Variants in VDAC1 observed in about 807,000 individuals in gnomAD.
The protein encoded by VDAC1 is voltage dependent anion channel 1.
VDAC1 carries 10 observed loss-of-function variants against 34.7 expected under a neutral mutation model. The ratio of observed to expected loss-of-function variants is 0.29; its 90% CI spans 0.18 to 0.49. The LOEUF is 0.49. Among genes scored for constraint, VDAC1 ranks in the 20% least tolerant of loss-of-function variants. VDAC1 has a pLI of 0.99. For missense variants in VDAC1, 230 were observed against 347.9 expected (o/e 0.66, Z 2.69); for synonymous variants, 130 against 136.0 (o/e 0.96, Z 0.30).
At chr5:134,089,545 G>A in the VDAC1 span, among the ~76,000 whole-genome samples, 1 of 152,238 alleles carries the variant, frequency 6.6e-6, no homozygotes, top group Non-Finnish European at 1.5e-5. Context: ...CTGATTAAAA[G>A]GTAGAGGCAC....
At chr5:133,992,251 A>T in intron 3 of VDAC1, 55 bp downstream of exon 3, 2 of 1,257,158 alleles carry the variant, frequency 1.6e-6, no homozygotes, top group South Asian at 2.5e-5. Context: ...ATAAATAAAT[A>T]AAATAAAATA....
the VDAC1 span, among the ~76,000 whole-genome samples, chr5:134,064,541 T>C: frequency 2.0e-5 from 3 of 152,080 alleles, no homozygotes; most frequent in Admixed American, 1.3e-4. Flanking sequence ...TGACCTCAGA[T>C]GATCTGCCCA....
chr5:134,092,475 CA>C, the VDAC1 span, among the ~76,000 whole-genome samples: 1 of 152,102 alleles, frequency 6.6e-6, no homozygotes, highest in Admixed American at 6.6e-5. Context: ...CTTTGTCCCT[CA>C]TGTGCCGTTG....
At chr5:134,017,535 T>G in the VDAC1 span, among the ~76,000 whole-genome samples, 4 of 152,182 alleles carry the variant, frequency 2.6e-5, no homozygotes, top group South Asian at 8.3e-4. Context: ...CAGCTCTGCT[T>G]TGTCCATGCT....
the VDAC1 span, among the ~76,000 whole-genome samples, chr5:134,091,262 A>G: frequency 6.6e-6 from 1 of 152,186 alleles, no homozygotes; most frequent in Non-Finnish European, 1.5e-5. Context: ...TGCCCTGGAA[A>G]TGCTCCCTGT....
intron 5 of VDAC1, among the ~76,000 whole-genome samples, chr5:133,988,240 TTTGCCACA>T (rs1332674028): frequency 6.6e-6 from 1 of 152,144 alleles, no homozygotes; most frequent in African/African-American, 2.4e-5. Flanking sequence ...GCATACTATT[TTTGCCACA>T]TTTTTTTCTA....
chr5:134,033,947 G>T, the VDAC1 span, among the ~76,000 whole-genome samples: 2 of 151,650 alleles, frequency 1.3e-5, no homozygotes, highest in African/African-American at 4.8e-5. Context: ...AGCCGAGATC[G>T]CACCACCGCA....
chr5:134,059,715 C>T, the VDAC1 span, among the ~76,000 whole-genome samples: 1 of 152,164 alleles, frequency 6.6e-6, no homozygotes, highest in Non-Finnish European at 1.5e-5. Context: ...AAGCCAACCA[C>T]ACCCTATACC....
the VDAC1 span, among the ~76,000 whole-genome samples, chr5:134,016,263 C>T: frequency 0.017 from 2,615 of 152,252 alleles, 71 homozygotes; most frequent in African/African-American, 0.06. Flanking sequence ...GTACCTGTGA[C>T]GTTCTCTGAG....
the VDAC1 span, among the ~76,000 whole-genome samples, chr5:134,071,927 G>A: frequency 1.3e-5 from 2 of 152,134 alleles, no homozygotes; most frequent in Non-Finnish European, 2.9e-5. This position sits in a 1 kb window ranked among gnomAD's most constrained non-coding sequence, Gnocchi z 4.1. Flanking sequence ...CTCTGTGGTG[G>A]GCCTGTCCCA....
In VDAC1 at chr5:133,992,262, A is replaced by AAAAT. The variant is rs753896378; in HGVS notation, c.117+40_117+43dup. The AAAAT allele has an allele frequency of 1.3e-5, 17 of 1,332,048 alleles. No individual in the cohort carries two copies. In the South Asian group the frequency reaches 3.8e-4, roughly 30 times the overall value. The allele number at this position is 1,332,048 out of a possible 1,614,324, so 82.5% of individuals were successfully genotyped here. A position where few individuals can be genotyped will look rare whatever the true frequency, so the allele number is the denominator to read the frequency against. On this transcript the variant is annotated intron_variant, in intron 3 of 8. Transcript: ENST00000265333. ...AAAAATAAATAAATAAAATAAAATA[A>AAAAT]AAATAAATAAATACTCATGTTCCAT...
At chr5:134,102,010 G>A in the VDAC1 span, among the ~76,000 whole-genome samples, 6 of 152,380 alleles carry the variant, frequency 3.9e-5, no homozygotes, top group Middle Eastern at 6.8e-3. Context: ...TGACTGGAAC[G>A]AGACTGCATG....
At chr5:134,102,780 C>T in the VDAC1 span, among the ~76,000 whole-genome samples, 1 of 152,100 alleles carries the variant, frequency 6.6e-6, no homozygotes, top group African/African-American at 2.4e-5. Context: ...TTTTACTTAG[C>T]TGCATGCTTC....
At chr5:133,975,621 C>G (rs146738109) in intron 7 of VDAC1, among the ~76,000 whole-genome samples, 1 of 151,982 alleles carries the variant, frequency 6.6e-6, no homozygotes, top group Admixed American at 6.6e-5. Context: ...CCACCATGCC[C>G]GGCTAATTTT....
At chr5:134,065,200 T>C in the VDAC1 span, among the ~76,000 whole-genome samples, 82 of 152,200 alleles carry the variant, frequency 5.4e-4, no homozygotes, top group Non-Finnish European at 1.0e-3. Flanking sequence ...AAAAAAAATT[T>C]ATATGATGTT....
intron 5 of VDAC1, among the ~76,000 whole-genome samples, chr5:133,986,223 G>A (rs760289847): frequency 1.3e-5 from 2 of 152,242 alleles, no homozygotes; most frequent in Non-Finnish European, 2.9e-5. Context: ...ATTGAGGTCT[G>A]TGGCCTCATC....
chr5:133,975,889 G>A lies in VDAC1; in HGVS notation c.684C>T (p.Asp228=). 2 of 1,612,032 alleles carry A rather than the reference G, an allele frequency of 1.2e-6. No homozygotes were observed. The highest frequency in any genetic ancestry group is 8.5e-7 in the Non-Finnish European group (1 of 1,179,806). Residue 228 remains aspartate (D), a synonymous_variant, in exon 7 of 9, where the codon GAC becomes GAT. Coordinates refer to ENST00000265333, the MANE Select transcript of VDAC1 (RefSeq NM_003374.3). ...TACCCACCGAGAAGCAGGCGTCAGG[G>A]TCAATCTGATACTTGGCTGCTATTC... ...RFGIAAKYQI[D]PDACFSAKVN... is the part of the protein sequence containing the mutation.
At chr5:134,003,483 C>T (rs1356314477) in intron 1 of VDAC1, among the ~76,000 whole-genome samples, 1 of 152,220 alleles carries the variant, frequency 6.6e-6, no homozygotes, top group Non-Finnish European at 1.5e-5. Flanking sequence ...TGACAATGTC[C>T]ATTTGTAAAC....
intron 1 of VDAC1, among the ~76,000 whole-genome samples, chr5:134,003,970 C>A (rs545285969): frequency 1.2e-3 from 177 of 152,364 alleles, no homozygotes; most frequent in Non-Finnish European, 2.0e-3. Context: ...ACCAAGAAGG[C>A]CACATCCTTC....
Sources: allele counts gnomAD v4.1 joint callset (sites outside exome capture counted in the v4.1 genomes callset), GRCh38; gene constraint gnomAD v4.1.1; non-coding constraint Gnocchi (gnomAD v3.1); transcripts MANE v1.5; gene names NCBI Gene and HGNC (gene_info 2026-07-23, HGNC 2026-07-21).